The following PPM1B variants were observed in gnomAD, a reference collection of about 807,000 sequenced individuals.
PPM1B encodes the protein protein phosphatase 1B.
In PPM1B, 22 loss-of-function variants were observed where a neutral mutation model predicts 43.0. That is an observed-to-expected ratio of 0.51 (90% CI 0.37 to 0.73). PPM1B has a LOEUF of 0.73. PPM1B is among the 30% of genes least tolerant of loss of function. The pLI is 0.00. For synonymous variants in PPM1B, 217 were observed against 197.9 expected, an observed-to-expected ratio of 1.10 and a Z score of -0.81; for missense variants, 632 against 584.2, an observed-to-expected ratio of 1.08 and a Z score of -0.84.
chr2:44,169,384 T>A (rs1220159002), intron 1 of PPM1B, 110 bp downstream of exon 1: 4 of 152,354 alleles, frequency 2.6e-5, no homozygotes, highest in African/African-American at 4.8e-5. Flanking sequence ...GGCCGGGGCC[T>A]CTGTCCTTCC....
chr2:44,231,580 C>G (rs921670964), downstream of PPM1B: 4 of 545,850 alleles, frequency 7.3e-6, no homozygotes, highest in African/African-American at 2.1e-5. Context: ...ATTTAGAACA[C>G]TTTTGGCTTA....
chr2:44,173,147 A>G (rs899913483), intron 1 of PPM1B, among the ~76,000 whole-genome samples: 8 of 152,238 alleles, frequency 5.3e-5, no homozygotes, highest in African/African-American at 1.9e-4. Flanking sequence ...CCCTACTAAA[A>G]ATACAGAATT....
intron 5 of PPM1B, among the ~76,000 whole-genome samples, chr2:44,227,357 A>C (rs891215457): frequency 6.6e-6 from 1 of 152,156 alleles, no homozygotes. Flanking sequence ...CTTGTTGTGG[A>C]AAATTGGAAA....
At position 44,230,783 on chromosome 2, in the gene PPM1B, C is replaced by T; in HGVS notation, c.*65C>T. Reference sequence around the variant, plus strand: ...TTTAACCTAGGAAGTGTAATGTATGCATTTATATAACTGTTTTGTTATTTG... The same window carrying T: ...TTTAACCTAGGAAGTGTAATGTATGTATTTATATAACTGTTTTGTTATTTG... On this transcript the variant is annotated 3_prime_UTR_variant, in exon 6 of 6. Transcript: ENST00000282412. The T allele has an allele frequency of 6.5e-7, 1 of 1,533,710 alleles. No individual in the cohort carries two copies. Among genetic ancestry groups the T allele is most frequent in the Non-Finnish European group, 8.8e-7 (1 of 1,141,430 alleles).
intron 1 of PPM1B, among the ~76,000 whole-genome samples, chr2:44,192,923 A>G (rs537551931): frequency 6.6e-6 from 1 of 152,304 alleles, no homozygotes; most frequent in East Asian, 1.9e-4. Flanking sequence ...GCTGAACAGT[A>G]TTCCATTGTG....
At chr2:44,237,122 G>A (rs372829700), downstream of PPM1B, among the ~76,000 whole-genome samples, 9 of 152,314 alleles carry the variant, frequency 5.9e-5, no homozygotes, top group African/African-American at 2.2e-4. Context: ...CTGAAATGAA[G>A]TTACTTGCTT....
chr2:44,244,758 CTT>C (rs753488539), downstream of PPM1B, among the ~76,000 whole-genome samples: 11 of 135,586 alleles, frequency 8.1e-5, no homozygotes, highest in Non-Finnish European at 1.1e-4. Flanking sequence ...TATATTAGAC[CTT>C]TTTTTTTTTT....
At chr2:44,244,349 C>T (rs1390635142) in exon 6 of PPM1B, 1 of 1,357,968 alleles carries the variant, frequency 7.4e-7, no homozygotes, top group African/African-American at 1.5e-5. Flanking sequence ...TTTTGTAAAC[C>T]CGAACGAAAA....
At chr2:44,212,184 G>A (rs965007538) in intron 3 of PPM1B, among the ~76,000 whole-genome samples, 5 of 152,194 alleles carry the variant, frequency 3.3e-5, no homozygotes, top group Admixed American at 6.6e-5. Flanking sequence ...GGCAATGAGA[G>A]CCTCTTAAAA....
intron 2 of PPM1B, among the ~76,000 whole-genome samples, chr2:44,208,134 C>T (rs1354020380): frequency 1.3e-5 from 2 of 151,868 alleles, no homozygotes; most frequent in African/African-American, 4.8e-5. Flanking sequence ...GTGATCTGCC[C>T]TCCTCAGCCT....
At chr2:44,226,641 G>A (rs757758266) in intron 5 of PPM1B, among the ~76,000 whole-genome samples, 5 of 151,424 alleles carry the variant, frequency 3.3e-5, no homozygotes, top group Non-Finnish European at 7.4e-5. Context: ...CCAATGTGGA[G>A]CAAGGGTTGA....
intron 1 of PPM1B, among the ~76,000 whole-genome samples, chr2:44,198,647 T>C (rs975976199): frequency 2.0e-5 from 3 of 152,202 alleles, no homozygotes; most frequent in African/African-American, 4.8e-5. Context: ...CGTAACATAA[T>C]GTGCCTCTGT....
intron 5 of PPM1B, among the ~76,000 whole-genome samples, chr2:44,227,663 T>G (rs539031702): frequency 6.6e-6 from 1 of 151,096 alleles, no homozygotes; most frequent in Non-Finnish European, 1.5e-5. Flanking sequence ...AGATTACTGA[T>G]GCACACACAC....
intron 5 of PPM1B, among the ~76,000 whole-genome samples, chr2:44,228,799 T>G (rs1311509764): frequency 6.6e-6 from 1 of 152,168 alleles, no homozygotes; most frequent in African/African-American, 2.4e-5. Flanking sequence ...ATCTACTGTT[T>G]TTTTTCTTTC....
chr2:44,203,757 T>C (rs1212132674), intron 2 of PPM1B, among the ~76,000 whole-genome samples: 1 of 152,208 alleles, frequency 6.6e-6, no homozygotes, highest in African/African-American at 2.4e-5. Context: ...CGTAGTATTT[T>C]ATTGAAAGAA....
chr2:44,206,196 C>T (rs1409329317), intron 2 of PPM1B, among the ~76,000 whole-genome samples: 3 of 151,936 alleles, frequency 2.0e-5, no homozygotes, highest in Admixed American at 2.0e-4. Context: ...ATATGCAGAG[C>T]TAATTTCTTT....
chr2:44,246,851 T>G (rs1174131899), downstream of PPM1B, among the ~76,000 whole-genome samples: 1 of 152,224 alleles, frequency 6.6e-6, no homozygotes, highest in African/African-American at 2.4e-5. Context: ...TTTTTATTGT[T>G]GTTTTATTAT....
intron 3 of PPM1B, chr2:44,209,563 T>C (rs887616142): frequency 1.8e-5 from 7 of 381,610 alleles, no homozygotes; most frequent in East Asian, 1.5e-4. Context: ...GGGCAGATCA[T>C]GAGGTCAGAT....
chr2:44,224,194 G>A (rs937023718), intron 5 of PPM1B, among the ~76,000 whole-genome samples: 4 of 152,054 alleles, frequency 2.6e-5, no homozygotes, highest in African/African-American at 4.8e-5. Context: ...AGTGGCTCAC[G>A]CCTGTAATCC....
Sources: allele counts gnomAD v4.1 joint callset (sites outside exome capture counted in the v4.1 genomes callset), GRCh38; gene constraint gnomAD v4.1.1; transcripts MANE v1.5; gene names NCBI Gene and HGNC (gene_info 2026-07-23, HGNC 2026-07-21).